The following DYDC2 variants were observed in gnomAD, a reference collection of about 807,000 sequenced individuals.
DYDC2 encodes DPY30 domain-containing protein 2.
A neutral mutation model predicts 18.7 loss-of-function variants in DYDC2; 19 were observed. The ratio of observed to expected loss-of-function variants is 1.02; its 90% confidence interval spans 0.71 to 1.49. The LOEUF is 1.49. DYDC2 is among the 40% of genes most tolerant of loss of function. The pLI is 0.00. For missense variants in DYDC2, 179 were observed against 205.1 expected, an observed-to-expected ratio of 0.87 and a Z score of 0.78; for synonymous variants, 63 against 67.6, an observed-to-expected ratio of 0.93 and a Z score of 0.34.
At position 80,367,510 on chromosome 10, in the gene DYDC2, A is replaced by G. The variant is rs1249272490; in HGVS notation, c.*559A>G. 6.6e-6 allele frequency: 1 copy of G among 152,470 alleles called. No homozygotes were observed. The highest frequency in any genetic ancestry group is 3.2e-3 in the Middle Eastern group (1 of 316). The allele number at this position is 152,470 out of a possible 1,614,324, so 9.4% of individuals were successfully genotyped here. ...TTGAAACATATGGCTACTTGAGATA[A>G]TGGGAGTGCTAGAAGCAAGGAGCCA... On this transcript the variant is annotated 3_prime_UTR_variant, in exon 5 of 5. Coordinates refer to ENST00000256039, the MANE Select transcript of DYDC2 (RefSeq NM_032372.6).
chr10:80,355,055 G>C (rs1468779031), upstream of DYDC2, among the ~76,000 whole-genome samples: 1 of 149,494 alleles, frequency 6.7e-6, no homozygotes, highest in East Asian at 2.0e-4. Flanking sequence ...TAAAAAAAAA[G>C]CTTCTTTGGG....
intron 1 of DYDC2, among the ~76,000 whole-genome samples, chr10:80,346,233 T>TG (rs1185039500): frequency 6.6e-6 from 1 of 152,194 alleles, no homozygotes. Flanking sequence ...GCAATGGACA[T>TG]GGGAGTGCAA....
upstream of DYDC2, chr10:80,352,552 C>T: frequency 1.2e-6 from 2 of 1,613,556 alleles, no homozygotes; most frequent in Non-Finnish European, 1.7e-6. Context: ...TTCTGCAAGA[C>T]CTTGAGTTAA....
chr10:80,358,984 C>T (rs1179999007), intron 2 of DYDC2, among the ~76,000 whole-genome samples: 6 of 152,188 alleles, frequency 3.9e-5, no homozygotes, highest in Admixed American at 2.6e-4. Context: ...CAGACCCAAA[C>T]AATGAGCAGC....
At chr10:80,347,520 T>C (rs1842742169) in intron 1 of DYDC2, among the ~76,000 whole-genome samples, 1 of 152,202 alleles carries the variant, frequency 6.6e-6, no homozygotes, top group Non-Finnish European at 1.5e-5. Context: ...AAAAAATTAT[T>C]GCCAAGACCA....
intron 2 of DYDC2, among the ~76,000 whole-genome samples, chr10:80,361,797 T>C (rs1843669109): frequency 1.3e-5 from 2 of 152,144 alleles, no homozygotes; most frequent in South Asian, 4.2e-4. Flanking sequence ...TCCCCAACGA[T>C]TGTATTTTTT....
At chr10:80,346,903 C>T (rs555154735) in intron 1 of DYDC2, among the ~76,000 whole-genome samples, 69 of 151,404 alleles carry the variant, frequency 4.6e-4, no homozygotes, top group African/African-American at 1.6e-3. Context: ...GGCGAAACCC[C>T]GTCTCTACTA....
At chr10:80,357,422 C>G in intron 1 of DYDC2, among the ~76,000 whole-genome samples, 1 of 152,026 alleles carries the variant, frequency 6.6e-6, no homozygotes, top group Non-Finnish European at 1.5e-5. Flanking sequence ...AGCAAGGGAC[C>G]CTGACTGGCA....
chr10:80,364,114 C>T (rs1843752920), intron 4 of DYDC2, among the ~76,000 whole-genome samples: 1 of 152,164 alleles, frequency 6.6e-6, no homozygotes, highest in South Asian at 2.1e-4. Context: ...TTAATGCAGT[C>T]CATTACAATT....
chr10:80,366,028 C>CTTTTTTTTTTTT lies in DYDC2; in HGVS notation c.271-649_271-638dup, dbSNP rs770351822. On this transcript the variant is annotated intron_variant, in intron 4 of 4. Coordinates refer to ENST00000256039, the MANE Select transcript of DYDC2 (RefSeq NM_032372.6). ...GTCATTTTGGGACCTTTTTCTTTCT[C>CTTTTTTTTTTTT]TTTTTTTTTTTTTTTTTTTTTTGAG... Among the ~76,000 whole-genome samples the CTTTTTTTTTTTT allele has an allele frequency of 3.5e-4, 32 of 90,320 alleles. 1 individual carries two copies. The highest frequency in any genetic ancestry group is 4.8e-4 in the Non-Finnish European group (23 of 47,598). 59.3% of individuals were successfully genotyped at this position (90,320 alleles called of 152,430 possible). A position where few individuals can be genotyped will look rare whatever the true frequency, so the allele number is the denominator to read the frequency against.
chr10:80,353,992 T>C (rs1843176872), upstream of DYDC2, among the ~76,000 whole-genome samples: 1 of 151,982 alleles, frequency 6.6e-6, no homozygotes, highest in African/African-American at 2.4e-5. Flanking sequence ...GGCGGGCGCC[T>C]GTAGTCCCAG....
At chr10:80,359,863 G>T (rs532765451) in intron 2 of DYDC2, among the ~76,000 whole-genome samples, 1 of 152,098 alleles carries the variant, frequency 6.6e-6, no homozygotes, top group African/African-American at 2.4e-5. Context: ...TTTCCCGCCC[G>T]CGCCTCTCCC....
chr10:80,356,286 C>T (rs866645697), upstream of DYDC2: 22 of 985,502 alleles, frequency 2.2e-5, no homozygotes, highest in Non-Finnish European at 2.7e-5. Context: ...TAAGAAAGCC[C>T]TTTCCCACAG....
intron 1 of DYDC2, among the ~76,000 whole-genome samples, chr10:80,349,099 G>A (rs911447048): frequency 1.3e-5 from 2 of 152,038 alleles, no homozygotes; most frequent in Non-Finnish European, 2.9e-5. Flanking sequence ...CACCGCGTTC[G>A]CCAGGATGGT....
chr10:80,350,305 C>A (rs1421582071), intron 1 of DYDC2, among the ~76,000 whole-genome samples: 8 of 152,152 alleles, frequency 5.3e-5, no homozygotes, highest in Admixed American at 5.2e-4. Context: ...AGTAGTCGAG[C>A]CGAAGAGAGT....
intron 1 of DYDC2, among the ~76,000 whole-genome samples, chr10:80,349,183 G>T (rs1842843049): frequency 6.6e-6 from 1 of 152,186 alleles, no homozygotes; most frequent in South Asian, 2.1e-4. Flanking sequence ...GAGCCACCGC[G>T]CCCGGCCCGC....
chr10:80,356,142 A>G, upstream of DYDC2: 1 of 655,120 alleles, frequency 1.5e-6, no homozygotes, highest in Non-Finnish European at 1.9e-6. Flanking sequence ...ATTTCTGGGC[A>G]TATCAGTGGG....
chr10:80,356,703 T>C (rs891285016), upstream of DYDC2: 10 of 984,290 alleles, frequency 1.0e-5, no homozygotes, highest in African/African-American at 1.7e-5. Flanking sequence ...GCCTTTCCGG[T>C]GCGCTCACCC....
chr10:80,367,146 T>G lies in DYDC2; in HGVS notation c.*195T>G. 8.1e-6 allele frequency: 5 copies of G among 615,750 alleles called. No homozygotes were observed. Among genetic ancestry groups the G allele is most frequent in the Non-Finnish European group, 1.3e-5 (5 of 384,644 alleles). The allele number at this position is 615,750 out of a possible 1,614,324, so 38.1% of individuals were successfully genotyped here. A position where few individuals can be genotyped will look rare whatever the true frequency, so the allele number is the denominator to read the frequency against. ...ATAAAATAAACTCAGAATAAGGATT[T>G]AAAATAAGTAACCAAGTGGCTGTGA... On this transcript the variant is annotated 3_prime_UTR_variant, in exon 5 of 5. Coordinates refer to ENST00000256039, the MANE Select transcript of DYDC2 (RefSeq NM_032372.6).
Sources: allele counts gnomAD v4.1 joint callset (sites outside exome capture counted in the v4.1 genomes callset), GRCh38; gene constraint gnomAD v4.1.1; transcripts MANE v1.5; gene names NCBI Gene and HGNC (gene_info 2026-07-23, HGNC 2026-07-21).